RBFOX1: variants seen among roughly 807,000 people sequenced by gnomAD.
The protein encoded by RBFOX1 is RNA binding fox-1 homolog 1.
Under a neutral mutation model 57.7 loss-of-function variants are expected in RBFOX1, and 8 were observed. The observed-to-expected ratio is 0.14, with a 90% CI of 0.08 to 0.25. The LOEUF (loss-of-function observed/expected upper bound fraction) is 0.25. Among genes scored for constraint, RBFOX1 ranks in the 10% least tolerant of loss-of-function variants. The pLI is 1.00. For synonymous variants in RBFOX1, 326 were observed against 222.4 expected, an observed-to-expected ratio of 1.47 and a Z score of -4.15; for missense variants, 611 against 548.5, an observed-to-expected ratio of 1.11 and a Z score of -1.14.
Position 6,652,659 on chromosome 16 carries a change from A to G in RBFOX1, c.-63-1944A>G, listed in dbSNP as rs938277866. Among the ~76,000 whole-genome samples, 4 of 152,148 alleles carry G rather than the reference A, an allele frequency of 2.6e-5. No individual in the cohort carries two copies. The East Asian group carries it at 7.7e-4, about 29-fold the overall frequency. On this transcript the variant is annotated intron_variant, in intron 2 of 15. Transcript: ENST00000550418. ...AGTCGTTGAAGTCACCTAGTCTGTA[A>G]TATTTTTTATGGCATTCCTAGCCGA...
intron 13 of RBFOX1, among the ~76,000 whole-genome samples, chr16:7,669,871 G>C (rs3785212): frequency 0.85 from 129,890 of 152,110 alleles, 55,570 homozygotes; most frequent in East Asian, 0.92. Flanking sequence ...CTTGCCGTCC[G>C]CAGTCACCAT....
chr16:5,585,051 C>G (rs1311179897), intron 2 of RBFOX1, among the ~76,000 whole-genome samples: 1 of 152,106 alleles, frequency 6.6e-6, no homozygotes, highest in African/African-American at 2.4e-5. Flanking sequence ...TTGGAGTTAA[C>G]AATTCAGTGG....
chr16:5,726,785 A>G (rs1157256635), intron 3 of RBFOX1, among the ~76,000 whole-genome samples: 1 of 152,244 alleles, frequency 6.6e-6, no homozygotes, highest in East Asian at 1.9e-4. Context: ...ATTGTTCGCT[A>G]CATGCCACTG....
chr16:7,554,785 A>G (rs112094748), intron 5 of RBFOX1, among the ~76,000 whole-genome samples: 87 of 152,262 alleles, frequency 5.7e-4, no homozygotes, highest in African/African-American at 1.9e-3. Flanking sequence ...CACGACATCA[A>G]ACCTGTAATC....
chr16:6,156,779 C>T (rs970859302), intron 1 of RBFOX1, among the ~76,000 whole-genome samples: 6 of 152,086 alleles, frequency 3.9e-5, no homozygotes, highest in Non-Finnish European at 8.8e-5. Flanking sequence ...TTGTGTTACT[C>T]GTAACTGGGC....
At chr16:6,977,650 T>C (rs777264841) in intron 3 of RBFOX1, among the ~76,000 whole-genome samples, 42 of 152,168 alleles carry the variant, frequency 2.8e-4, no homozygotes, top group Non-Finnish European at 5.1e-4. Context: ...GTCATCTCTT[T>C]AGCTCTGGCA....
intron 2 of RBFOX1, among the ~76,000 whole-genome samples, chr16:6,540,548 G>T (rs912098144): frequency 2.0e-5 from 3 of 146,772 alleles, no homozygotes; most frequent in Non-Finnish European, 4.5e-5. Flanking sequence ...GGAGGCCGAG[G>T]TTGCAGTGAG....
intron 2 of RBFOX1, among the ~76,000 whole-genome samples, chr16:6,626,131 T>A (rs1381086155): frequency 1.3e-5 from 2 of 151,804 alleles, no homozygotes; most frequent in Non-Finnish European, 2.9e-5. Context: ...AGGCCTAAAA[T>A]TCTGCAGGTT....
intron 4 of RBFOX1, among the ~76,000 whole-genome samples, chr16:7,495,722 C>T (rs1457416839): frequency 1.3e-5 from 2 of 152,110 alleles, no homozygotes; most frequent in Non-Finnish European, 2.9e-5. Context: ...AACCTTTTTA[C>T]ATTTATTTTA....
intron 1 of RBFOX1, among the ~76,000 whole-genome samples, chr16:6,082,279 C>G (rs1168316006): frequency 7.5e-6 from 1 of 134,144 alleles, no homozygotes; most frequent in Non-Finnish European, 1.5e-5. Context: ...CTCCCAGATT[C>G]AAGCGATTCT....
chr16:7,266,642 C>A (rs7195698), intron 4 of RBFOX1, among the ~76,000 whole-genome samples: 95,801 of 151,996 alleles, frequency 0.63, 32,925 homozygotes, highest in African/African-American at 0.91. Flanking sequence ...GGAGGGCACA[C>A]TTCACTCCGT....
At chr16:5,520,539 A>T (rs773905447) in intron 2 of RBFOX1, among the ~76,000 whole-genome samples, 3 of 152,130 alleles carry the variant, frequency 2.0e-5, no homozygotes, top group African/African-American at 2.4e-5. Context: ...CTCCCTTCCT[A>T]TATCCTTCTG....
intron 3 of RBFOX1, among the ~76,000 whole-genome samples, chr16:6,999,210 TTATTTATTTTTTTTATTTA>T (rs2092557116): frequency 1.6e-5 from 1 of 60,802 alleles, no homozygotes; most frequent in Non-Finnish European, 4.1e-5. Context: ...TTTTTTATTT[TTATTTATTTTTTTTATTTA>T]TTTTTTTTTT....
At chr16:7,172,693 G>T (rs1385719196) in intron 4 of RBFOX1, among the ~76,000 whole-genome samples, 2 of 152,210 alleles carry the variant, frequency 1.3e-5, no homozygotes, top group African/African-American at 4.8e-5. Context: ...GCAGGAGGCA[G>T]AGGGGGATCT....
chr16:6,849,716 C>T (rs1186005800), intron 3 of RBFOX1, among the ~76,000 whole-genome samples: 1 of 152,012 alleles, frequency 6.6e-6, no homozygotes, highest in Non-Finnish European at 1.5e-5. Flanking sequence ...AGTCCATCTG[C>T]CATGACTGTC....
chr16:5,443,662 A>C (rs532142349), intron 1 of RBFOX1, among the ~76,000 whole-genome samples: 1 of 152,178 alleles, frequency 6.6e-6, no homozygotes, highest in South Asian at 2.1e-4. Flanking sequence ...TAACCACTCT[A>C]ATTTTTATGC....
Position 7,692,247 on chromosome 16 carries a change from T to C in RBFOX1, c.995+15409T>C, listed in dbSNP as rs532683630. On this transcript the variant is annotated intron_variant, in intron 14 of 15. Transcript: ENST00000550418. The stretch of plus-strand genomic sequence containing the variant: ...TATTATTCTCAAAGCATGTATAACT[T>C]GTTTATATTTTATTGGTGTAGAAAT... Among the ~76,000 whole-genome samples, 217 of 152,292 alleles carry C rather than the reference T, an allele frequency of 1.4e-3. 1 individual carries two copies. The highest frequency in any genetic ancestry group is 2.5e-3 in the Non-Finnish European group (170 of 68,030).
intron 4 of RBFOX1, among the ~76,000 whole-genome samples, chr16:7,342,594 A>G (rs572689684): frequency 6.6e-6 from 1 of 151,906 alleles, no homozygotes; most frequent in East Asian, 1.9e-4. Flanking sequence ...GAATGTTTAC[A>G]CTTCTCTGCT....
chr16:5,531,387 T>A (rs1013911374), intron 2 of RBFOX1, among the ~76,000 whole-genome samples: 13 of 152,310 alleles, frequency 8.5e-5, no homozygotes, highest in African/African-American at 3.1e-4. Flanking sequence ...GTTACCGATC[T>A]TTAAAGTTTG....
Sources: gnomAD v4.1 joint callset for allele counts (sites outside exome capture counted in the v4.1 genomes callset) on GRCh38, gnomAD v4.1.1 for gene constraint, MANE v1.5 for transcripts, NCBI Gene and HGNC (gene_info 2026-07-23, HGNC 2026-07-21) for gene names.